Variants in GABRB1 observed in about 807,000 individuals in gnomAD.
GABRB1 encodes the protein gamma-aminobutyric acid type A receptor subunit beta1.
A neutral mutation model predicts 51.6 loss-of-function variants in GABRB1; 17 were observed. The ratio of observed to expected loss-of-function variants is 0.33; its 90% CI spans 0.23 to 0.49. The LOEUF is 0.49. GABRB1 is among the 20% of genes least tolerant of loss of function. The pLI is 0.99. For synonymous variants in GABRB1, 247 were observed against 218.9 expected (o/e 1.13, Z -1.14); for missense variants, 410 against 600.6 (o/e 0.68, Z 3.32).
At chr4:47,160,469 G>A (rs796798797) in intron 3 of GABRB1, among the ~76,000 whole-genome samples, 15 of 152,246 alleles carry the variant, frequency 9.9e-5, no homozygotes, top group African/African-American at 2.9e-4. Context: ...TGTTAAACGA[G>A]CAGTGTTCAT....
At chr4:47,083,567 C>T (rs890867333) in intron 3 of GABRB1, among the ~76,000 whole-genome samples, 1 of 152,098 alleles carries the variant, frequency 6.6e-6, no homozygotes, top group Non-Finnish European at 1.5e-5. Flanking sequence ...GGGTTAGAGA[C>T]TTGCTTAGGG....
In GABRB1 at chr4:47,032,451, C is replaced by G; in HGVS notation, c.207C>G (p.Val69=). 1 of 1,606,806 alleles carries G rather than the reference C, an allele frequency of 6.2e-7. No individual in the cohort carries two copies. Among genetic ancestry groups the G allele is most frequent in the Non-Finnish European group, 8.5e-7 (1 of 1,175,390 alleles). ...TCGACGTTGGGATGCGGATCGATGT[C>G]GCCAGCATAGACATGGTCTCCGAAG... ...PPVDVGMRID[V]ASIDMVSEVN... The change falls in exon 3 of 9, where the codon GTC becomes GTG. Residue 69 remains valine, a synonymous_variant. Coordinates refer to ENST00000295454, the MANE Select transcript of GABRB1 (RefSeq NM_000812.4).
chr4:47,150,543 T>G (rs1358863070), intron 3 of GABRB1, among the ~76,000 whole-genome samples: 1 of 151,900 alleles, frequency 6.6e-6, no homozygotes, highest in African/African-American at 2.4e-5. Context: ...GTTATATTTC[T>G]ACTCATTTAA....
intron 5 of GABRB1, among the ~76,000 whole-genome samples, chr4:47,357,154 G>C (rs1378785287): frequency 6.6e-6 from 1 of 152,050 alleles, no homozygotes; most frequent in Non-Finnish European, 1.5e-5. Flanking sequence ...ATTTTCATAG[G>C]CAGTAAAATA....
At chr4:47,340,735 A>C (rs563011684) in intron 5 of GABRB1, among the ~76,000 whole-genome samples, 1 of 152,158 alleles carries the variant, frequency 6.6e-6, no homozygotes, top group East Asian at 1.9e-4. Flanking sequence ...CTGTAAACAC[A>C]AACACTCAGG....
At chr4:47,274,551 A>G (rs1198398274) in intron 4 of GABRB1, among the ~76,000 whole-genome samples, 1 of 151,890 alleles carries the variant, frequency 6.6e-6, no homozygotes, top group Non-Finnish European at 1.5e-5. Flanking sequence ...TGTTGCCTAG[A>G]TAGGGGTCTC....
chr4:47,331,469 A>G (rs554846591), intron 5 of GABRB1, among the ~76,000 whole-genome samples: 1 of 152,216 alleles, frequency 6.6e-6, no homozygotes, highest in Admixed American at 6.6e-5. Context: ...TTTTCCATCC[A>G]TGGGCAAGCG....
chr4:47,371,710 T>C (rs1727204091), intron 5 of GABRB1, among the ~76,000 whole-genome samples: 1 of 152,202 alleles, frequency 6.6e-6, no homozygotes, highest in Non-Finnish European at 1.5e-5. Flanking sequence ...TTTTTTTCAT[T>C]TGTTTGTTGG....
chr4:47,376,635 A>G (rs1727391738), intron 5 of GABRB1, among the ~76,000 whole-genome samples: 1 of 152,226 alleles, frequency 6.6e-6, no homozygotes, highest in Non-Finnish European at 1.5e-5. Context: ...CGACTGAGCG[A>G]GACTCCGTCT....
At chr4:47,273,492 G>A (rs999111297) in intron 4 of GABRB1, among the ~76,000 whole-genome samples, 1 of 152,168 alleles carries the variant, frequency 6.6e-6, no homozygotes, top group East Asian at 1.9e-4. Flanking sequence ...GTCACAAGGC[G>A]GTGCTTCTGG....
intron 5 of GABRB1, among the ~76,000 whole-genome samples, chr4:47,354,988 T>TTGTTTG (rs1553877830): frequency 7.6e-6 from 1 of 130,838 alleles, no homozygotes; most frequent in African/African-American, 2.9e-5. Context: ...TTGTTTTTTT[T>TTGTTTG]TTTTTTTTTT....
chr4:47,123,540 T>C, intron 3 of GABRB1, among the ~76,000 whole-genome samples: 1 of 85,712 alleles, frequency 1.2e-5, no homozygotes, highest in Non-Finnish European at 2.0e-5. Context: ...ATTTCATATA[T>C]TATAATATAT....
chr4:47,115,833 A>G (rs182534589), intron 3 of GABRB1, among the ~76,000 whole-genome samples: 3 of 152,324 alleles, frequency 2.0e-5, no homozygotes, highest in African/African-American at 7.2e-5. Flanking sequence ...TCCATTTCTC[A>G]TATATTCAAT....
At chr4:47,004,041 G>C (rs1724307865) in intron 1 of GABRB1, among the ~76,000 whole-genome samples, 1 of 152,152 alleles carries the variant, frequency 6.6e-6, no homozygotes, top group Admixed American at 6.5e-5. Context: ...CCAGGCTGGA[G>C]TGCAGTGGTG....
intron 8 of GABRB1, among the ~76,000 whole-genome samples, chr4:47,408,297 CTG>C (rs1459518140): frequency 6.6e-6 from 1 of 152,102 alleles, no homozygotes; most frequent in East Asian, 1.9e-4. Flanking sequence ...GCAGGAATTC[CTG>C]TGTGTTTAAA....
chr4:47,291,135 G>C (rs1409654964), intron 4 of GABRB1, among the ~76,000 whole-genome samples: 1 of 152,180 alleles, frequency 6.6e-6, no homozygotes, highest in Non-Finnish European at 1.5e-5. Context: ...CCCACTGTGT[G>C]TAGTCTAGGG....
At chr4:47,376,393 T>C (rs1042153204) in intron 5 of GABRB1, among the ~76,000 whole-genome samples, 10 of 152,068 alleles carry the variant, frequency 6.6e-5, no homozygotes, top group African/African-American at 2.4e-4. Context: ...ACGCCTGTAA[T>C]CCCAGCACTT....
At chr4:47,046,255 G>A (rs767240907) in intron 3 of GABRB1, among the ~76,000 whole-genome samples, 24 of 151,848 alleles carry the variant, frequency 1.6e-4, no homozygotes, top group Non-Finnish European at 2.8e-4. Flanking sequence ...GGGTGAGGAC[G>A]GACTAATACA....
chr4:47,067,380 G>A (rs1727132555), intron 3 of GABRB1, among the ~76,000 whole-genome samples: 1 of 152,168 alleles, frequency 6.6e-6, no homozygotes, highest in Non-Finnish European at 1.5e-5. Flanking sequence ...TGAAGGGAAG[G>A]CAGATATTGA....
Sources: gnomAD v4.1 joint callset for allele counts (sites outside exome capture counted in the v4.1 genomes callset) on GRCh38, gnomAD v4.1.1 for gene constraint, MANE v1.5 for transcripts, NCBI Gene and HGNC (gene_info 2026-07-23, HGNC 2026-07-21) for gene names.